SFMBT2: variants seen among roughly 807,000 people sequenced by gnomAD.
SFMBT2 encodes Scm like with four mbt domains 2.
In SFMBT2, 38 loss-of-function variants were observed where a neutral mutation model predicts 110.1. The observed-to-expected ratio is 0.35, with a 90% CI of 0.27 to 0.45. The LOEUF (loss-of-function observed/expected upper bound fraction) is 0.45. SFMBT2 is among the 20% of genes least tolerant of loss of function. The pLI is 1.00. For missense variants in SFMBT2, 1,011 were observed against 1,094.9 expected (o/e 0.92, Z 1.08); for synonymous variants, 425 against 425.4 (o/e 1.00, Z 0.01).
chr10:7,399,744 T>C (rs754148160), intron 1 of SFMBT2, among the ~76,000 whole-genome samples: 3 of 152,194 alleles, frequency 2.0e-5, no homozygotes, highest in African/African-American at 4.8e-5. Context: ...GGCCTTTAAG[T>C]GCCCCAAGCA....
intron 4 of SFMBT2, among the ~76,000 whole-genome samples, chr10:7,289,863 C>T (rs1842211952): frequency 6.6e-6 from 1 of 152,182 alleles, no homozygotes. Context: ...AGTTGCCTTG[C>T]AAGTCCTTAG....
intron 2 of SFMBT2, among the ~76,000 whole-genome samples, chr10:7,372,198 G>A (rs921984675): frequency 6.6e-6 from 1 of 152,096 alleles, no homozygotes; most frequent in Admixed American, 6.5e-5. Flanking sequence ...GATTACAGGC[G>A]TGAGCCGCCA....
chr10:7,394,466 A>G (rs905195309), intron 1 of SFMBT2, among the ~76,000 whole-genome samples: 1 of 151,100 alleles, frequency 6.6e-6, no homozygotes, highest in South Asian at 2.1e-4. Context: ...TAGTTCTTCC[A>G]TATCTGTCAT....
At chr10:7,331,135 C>T (rs954278013) in intron 4 of SFMBT2, among the ~76,000 whole-genome samples, 1 of 152,240 alleles carries the variant, frequency 6.6e-6, no homozygotes, top group Non-Finnish European at 1.5e-5. Flanking sequence ...CTCCAGCCTA[C>T]CAAGGCTTCA....
At chr10:7,387,597 A>G (rs1461356089) in intron 1 of SFMBT2, among the ~76,000 whole-genome samples, 2 of 151,930 alleles carry the variant, frequency 1.3e-5, no homozygotes, top group Non-Finnish European at 2.9e-5. Flanking sequence ...AAATTAGGAG[A>G]GGCTCAAGAG....
At chr10:7,246,244 T>G (rs759297962) in intron 8 of SFMBT2, 1 of 809,854 alleles carries the variant, frequency 1.2e-6, no homozygotes, top group Non-Finnish European at 1.5e-6. Flanking sequence ...GTAAAAATAC[T>G]TTCTCCCTCC....
rs1171152466 is a variant in SFMBT2 at position 7,276,928 on chromosome 10, A to T, written c.834T>A (p.Asp278Glu). Residue 278 changes from aspartate to glutamate, a missense_variant, in exon 7 of 21, where the codon GAT becomes GAA. Asp to Glu is a conservative substitution (Grantham distance 45). Coordinates refer to ENST00000397167, the MANE Select transcript of SFMBT2 (RefSeq NM_001387889.1). ...CCATTGGAAGAGGAAATTTGGCAGC[A>T]TCAATAAGGGATTTTTCCAGAGTAC... ...WKCTLEKSLI[D>E]AAKFPLPMEV... The T allele has an allele frequency of 2.3e-6, 2 of 872,852 alleles. No homozygotes were observed. The highest frequency in any genetic ancestry group is 3.3e-5 in the African/African-American group (2 of 61,328). The allele number at this position is 872,852 out of a possible 1,614,324, so 54.1% of individuals were successfully genotyped here.
At chr10:7,168,541 G>A (rs1041005856) in intron 20 of SFMBT2, among the ~76,000 whole-genome samples, 3 of 152,202 alleles carry the variant, frequency 2.0e-5, no homozygotes, top group East Asian at 1.9e-4. Flanking sequence ...TGACAGATAC[G>A]CATCAGTGCA....
chr10:7,174,435 C>A (rs1356578256), intron 17 of SFMBT2, among the ~76,000 whole-genome samples: 2 of 152,210 alleles, frequency 1.3e-5, no homozygotes, highest in Non-Finnish European at 2.9e-5. Flanking sequence ...GACTGGGTGA[C>A]CCCTGCTTTT....
At chr10:7,275,339 C>T (rs1417246304) in intron 7 of SFMBT2, among the ~76,000 whole-genome samples, 5 of 152,088 alleles carry the variant, frequency 3.3e-5, no homozygotes, top group African/African-American at 7.2e-5. Flanking sequence ...ACTGAGGCCA[C>T]GGTGAAGAGA....
rs1837859490 is a variant in SFMBT2, at chr10:7,171,048, T to A, written c.2424A>T (p.Lys808Asn). The A allele has an allele frequency of 6.2e-7, 1 of 1,614,076 alleles. No homozygotes were observed. The highest frequency in any genetic ancestry group is 1.3e-5 in the African/African-American group (1 of 75,038). Residue 808 changes from lysine (K) to asparagine (N), a missense_variant, in exon 20 of 21, where the codon AAA (lysine) becomes AAT (asparagine). By Grantham distance (94) the Lys-to-Asn change is moderately conservative. Around this residue, in one of 2 missense-constraint regions of SFMBT2, gnomAD observed 979 missense variants for 1,016.1 expected, o/e 0.96. Coordinates refer to ENST00000397167, the MANE Select transcript of SFMBT2 (RefSeq NM_001387889.1). This position sits in a 1 kb window ranked among gnomAD's most constrained non-coding sequence, Gnocchi z 4.9. Reference sequence around the variant, plus strand: ...GAACCAGTCTCTCCTCCTCCTCCTGTTTCGTGTCCTGCAGAGAAAGGGCAG... The same window carrying A: ...GAACCAGTCTCTCCTCCTCCTCCTGATTCGTGTCCTGCAGAGAAAGGGCAG... ...PTKPEGTEDT[K>N]QEEEERLVLE...
chr10:7,213,485 A>G (rs866538625), intron 11 of SFMBT2, among the ~76,000 whole-genome samples: 33 of 152,244 alleles, frequency 2.2e-4, no homozygotes, highest in South Asian at 1.9e-3. Flanking sequence ...GTGGGAGGGC[A>G]GGAATTATTG....
Position 7,163,824 on chromosome 10 carries a change from T to C in SFMBT2, c.2631A>G (p.Leu877=). 1 of 1,614,174 alleles carries C rather than the reference T, an allele frequency of 6.2e-7. No homozygotes were observed. Among genetic ancestry groups the C allele is most frequent in the Middle Eastern group, 1.6e-4 (1 of 6,062 alleles). ...MELKLGPAIK[L]CHQIERVKVA... Reference sequence around the variant, plus strand: ...CTTTGACTCTCTCGATCTGGTGGCATAACTTGATGGCAGGCCCCAGCTTCA... The same window carrying C: ...CTTTGACTCTCTCGATCTGGTGGCACAACTTGATGGCAGGCCCCAGCTTCA... The change falls in exon 21 of 21, where the codon TTA becomes TTG. Residue 877 remains leucine, a synonymous_variant. Transcript: ENST00000397167. This position sits in a 1 kb window ranked among gnomAD's most constrained non-coding sequence, Gnocchi z 4.8.
chr10:7,212,633 T>C (rs1351788163), intron 11 of SFMBT2, among the ~76,000 whole-genome samples: 1 of 152,232 alleles, frequency 6.6e-6, no homozygotes, highest in Non-Finnish European at 1.5e-5. Flanking sequence ...TCTATCGATG[T>C]TCATCCACTT....
chr10:7,214,025 C>T (rs991269851), intron 11 of SFMBT2, among the ~76,000 whole-genome samples: 1 of 144,134 alleles, frequency 6.9e-6, no homozygotes, highest in Non-Finnish European at 1.5e-5. Context: ...AGCCCTGCCA[C>T]CCCAGGACTG....
chr10:7,247,802 C>G (rs1460796935), intron 8 of SFMBT2, among the ~76,000 whole-genome samples: 1 of 152,192 alleles, frequency 6.6e-6, no homozygotes, highest in Non-Finnish European at 1.5e-5. Flanking sequence ...AAGGTAGAAA[C>G]AAGCAATTTT....
intron 1 of SFMBT2, among the ~76,000 whole-genome samples, chr10:7,384,084 G>C (rs1436536737): frequency 3.3e-5 from 5 of 151,808 alleles, no homozygotes; most frequent in Non-Finnish European, 7.4e-5. Context: ...GGTGGCACAT[G>C]TCTGTAATCC....
intron 4 of SFMBT2, among the ~76,000 whole-genome samples, chr10:7,362,145 G>A (rs766253424): frequency 2.0e-5 from 3 of 152,172 alleles, no homozygotes; most frequent in South Asian, 2.1e-4. Flanking sequence ...ACTGGGTGAC[G>A]CTTTAATGTC....
intron 16 of SFMBT2, among the ~76,000 whole-genome samples, chr10:7,185,545 C>G (rs557782019): frequency 1.1e-4 from 16 of 152,306 alleles, no homozygotes; most frequent in African/African-American, 3.8e-4. Flanking sequence ...CTGAGCATGA[C>G]GCACCTAACA....
Sources: allele counts gnomAD v4.1 joint callset (sites outside exome capture counted in the v4.1 genomes callset), GRCh38; gene constraint gnomAD v4.1.1; regional missense constraint gnomAD v4.1.1; non-coding constraint Gnocchi (gnomAD v3.1); transcripts MANE v1.5; gene names NCBI Gene and HGNC (gene_info 2026-07-23, HGNC 2026-07-21).